The following ULK3 variants were observed in gnomAD, a reference collection of about 807,000 sequenced individuals.
The protein encoded by ULK3 is unc-51 like kinase 3, also known as serine/threonine-protein kinase ULK3.
Under a neutral mutation model 69.4 loss-of-function variants are expected in ULK3, and 54 were observed. That is an observed-to-expected ratio of 0.78 (90% CI 0.63 to 0.98). ULK3 has a LOEUF of 0.98. Ranked by LOEUF, ULK3 falls within the 50% of genes least tolerant of loss-of-function variation. The probability of loss-of-function intolerance (pLI) is 0.00; values close to 1 mark genes in which losing one functional copy is unlikely to be tolerated. For synonymous variants in ULK3, 240 were observed against 254.5 expected (o/e 0.94, Z 0.54); for missense variants, 558 against 627.7 (o/e 0.89, Z 1.19).
chr15:74,840,140 T>C (rs72730515), intron 6 of ULK3, 94 bp downstream of exon 6: 24,872 of 1,423,332 alleles, frequency 0.017, 298 homozygotes, highest in Non-Finnish European at 0.02. Flanking sequence ...CTGGAGCCCA[T>C]ACTCCAGTCT....
In ULK3 at chr15:74,839,724, G is replaced by A; in HGVS notation, c.697-11C>T. The A allele has an allele frequency of 6.6e-7, 1 of 1,523,496 alleles. No individual in the cohort carries two copies. The allele number at this position is 1,523,496 out of a possible 1,614,324, so 94.4% of individuals were successfully genotyped here. The stretch of plus-strand genomic sequence containing the variant: ...GGGCCGCAAGGGGAGCTGCAGGGAA[G>A]GGAACGGCAGGGACAGATCACACTG... On this transcript the variant is annotated splice_polypyrimidine_tract_variant and intron_variant, in intron 6 of 15. Transcript: ENST00000440863.
At chr15:74,839,498 C>T (rs760364667) in intron 7 of ULK3, 60 bp downstream of exon 7, 147 of 1,540,172 alleles carry the variant, frequency 9.5e-5, no homozygotes, top group Non-Finnish European at 1.2e-4. Context: ...TCACCACCAA[C>T]GGGGGCAAGG....
At chr15:74,841,018 T>G (rs2064228097) in intron 4 of ULK3, among the ~76,000 whole-genome samples, 1 of 152,124 alleles carries the variant, frequency 6.6e-6, no homozygotes, top group Non-Finnish European at 1.5e-5. Context: ...CCCTCCTATG[T>G]GGCCACAGAT....
In ULK3 at chr15:74,839,666, C is replaced by T. The variant is rs1204186867; in HGVS notation, c.744G>A (p.Gln248=). ...LLSRDCRDLL[Q]RLLERDPSRR... ...GGCTGGGGTCCCGCTCCAGGAGCCG[C>T]TGCAGTAGGTCCCGGCAGTCTCGGG... is the stretch of plus-strand genomic sequence containing the variant. Residue 248 remains glutamine, a synonymous_variant, in exon 7 of 16, where the codon CAG becomes CAA. Transcript: ENST00000440863. 1 of 1,554,704 alleles carries T rather than the reference C, an allele frequency of 6.4e-7. No homozygotes were observed. Among genetic ancestry groups the T allele is most frequent in the East Asian group, 2.4e-5 (1 of 41,594 alleles).
At chr15:74,838,773 G>C (rs2064127961) in intron 9 of ULK3, 28 bp from the exon 10 acceptor site, 1 of 1,567,580 alleles carries the variant, frequency 6.4e-7, no homozygotes, top group African/African-American at 1.4e-5. Flanking sequence ...CCTGAGGAGG[G>C]GCTGTCTCAC....
At position 74,840,325 on chromosome 15, in the gene ULK3, G is replaced by T. The variant is rs760294544; in HGVS notation, c.614-9C>A. The T allele has an allele frequency of 5.0e-6, 8 of 1,606,308 alleles. No individual in the cohort carries two copies. The Admixed American group carries it at 1.2e-4, about 24-fold the overall frequency. ...CTGCCCGAAGAGGGCTTCTGTGGAA[G>T]GGAGGCAGAGCGGAGGCTGGGAGGG... On this transcript the variant is annotated splice_polypyrimidine_tract_variant and intron_variant, in intron 5 of 15. Transcript: ENST00000440863.
Position 74,843,078 on chromosome 15 carries a change from G to A in ULK3, c.28C>T (p.Arg10Cys). The A allele has an allele frequency of 7.1e-7, 1 of 1,414,472 alleles. No homozygotes were observed. Among genetic ancestry groups the A allele is most frequent in the Non-Finnish European group, 9.3e-7 (1 of 1,074,072 alleles). The allele number at this position is 1,414,472 out of a possible 1,614,324, so 87.6% of individuals were successfully genotyped here. ...TCGGTGAGGATGAAGCCGTCCAGGC[G>A]CGGGGGACCCCAGCCGGGCCCCGCC... MAGPGWGPP[R>C]LDGFILTERL... Residue 10 changes from arginine (R) to cysteine (C), a missense_variant, in exon 1 of 16, where the codon CGC becomes TGC. Coordinates refer to ENST00000440863, the MANE Select transcript of ULK3 (RefSeq NM_001099436.4).
Position 74,838,995 on chromosome 15 carries a change from G to A in ULK3, c.999+15C>T. 1 of 1,597,704 alleles carries A rather than the reference G, an allele frequency of 6.3e-7. No homozygotes were observed. Among genetic ancestry groups the A allele is most frequent in the Non-Finnish European group, 8.5e-7 (1 of 1,172,460 alleles). On this transcript the variant is annotated intron_variant, in intron 9 of 15. Transcript: ENST00000440863. ...CCCCCTGCCCCCCCACTTCCTCATG[G>A]GGACTCTCACCCACCTTTGCCTTAA...
intron 6 of ULK3, among the ~76,000 whole-genome samples, 179 bp from the exon 7 acceptor site, chr15:74,839,892 G>T (rs1014745043): frequency 4.2e-4 from 64 of 152,122 alleles, no homozygotes; most frequent in Non-Finnish European, 5.9e-5. Flanking sequence ...TCCATCCCTG[G>T]GCTCCCGGTG....
At chr15:74,841,007 C>A (rs2064227204) in intron 4 of ULK3, among the ~76,000 whole-genome samples, 1 of 152,152 alleles carries the variant, frequency 6.6e-6, no homozygotes, top group South Asian at 2.1e-4. Flanking sequence ...CCCCACCACA[C>A]CCCTCCTATG....
At chr15:74,838,229 C>G (rs1407598632) in intron 12 of ULK3, 37 bp from the exon 13 acceptor site, 12 of 1,566,942 alleles carry the variant, frequency 7.7e-6, no homozygotes, top group Non-Finnish European at 1.0e-5. Context: ...ACAGGGTGGC[C>G]AGAGGCCCTG....
In ULK3 at chr15:74,837,676, G is replaced by C. The variant is rs759037237; in HGVS notation, c.1335+75C>G. ...CGAGAGAGCAGACATACACCAGCAG[G>C]GGGGGACGACAGCCACAAGCAGAGA... is the stretch of plus-strand genomic sequence containing the variant. On this transcript the variant is annotated intron_variant, in intron 14 of 15. Transcript: ENST00000440863. The C allele has an allele frequency of 9.5e-5, 131 of 1,379,896 alleles. 1 individual carries two copies. Among genetic ancestry groups the C allele is most frequent in the Admixed American group, 2.5e-4 (10 of 40,160 alleles). 85.5% of individuals were successfully genotyped at this position (1,379,896 alleles called of 1,614,324 possible). A position where few individuals can be genotyped will look rare whatever the true frequency, so the allele number is the denominator to read the frequency against.
At chr15:74,840,830 C>T (rs954178648) in intron 4 of ULK3, 189 bp from the exon 5 acceptor site, 15 of 734,786 alleles carry the variant, frequency 2.0e-5, no homozygotes, top group Middle Eastern at 4.0e-4. Flanking sequence ...CCTACCCATC[C>T]TTCCCAGCTC....
At chr15:74,837,950 G>A (rs1347431475) in intron 13 of ULK3, 152 bp from the exon 14 acceptor site, 1 of 1,188,536 alleles carries the variant, frequency 8.4e-7, no homozygotes, top group Non-Finnish European at 1.2e-6. Flanking sequence ...CCTTCCTCCA[G>A]GAAGCCTTCC....
rs1262761932 is a variant in ULK3 at position 74,842,767 on chromosome 15, CACCAGGTA to C, written c.102+229_102+236del. 1.1e-5 allele frequency: 17 copies of C among 1,493,918 alleles called. No homozygotes were observed. The highest frequency in any genetic ancestry group is 1.5e-5 in the Non-Finnish European group (17 of 1,121,314). 92.5% of individuals were successfully genotyped at this position (1,493,918 alleles called of 1,614,324 possible). On this transcript the variant is annotated intron_variant, in intron 1 of 15. Coordinates refer to ENST00000440863, the MANE Select transcript of ULK3 (RefSeq NM_001099436.4). The surrounding 1 kb of genome is among the most constrained non-coding windows in gnomAD (Gnocchi z 4.9). ...CTCCAGTCCCAGACTCCTCCCAGCC[CACCAGGTA>C]ACCTGTTTTGAGCCTGTTCTTCAGC...
In ULK3 at chr15:74,839,719, GGGAAGGGAAC is replaced by G; in HGVS notation, c.697-16_697-7del. On this transcript the variant is annotated splice_region_variant and splice_polypyrimidine_tract_variant and intron_variant, in intron 6 of 15. Transcript: ENST00000440863. Reference sequence around the variant, plus strand: ...AGCAGGGGCCGCAAGGGGAGCTGCAGGGAAGGGAACGGCAGGGACAGATCACACTGGGCTC... The same window carrying G: ...AGCAGGGGCCGCAAGGGGAGCTGCAGGGCAGGGACAGATCACACTGGGCTC... The G allele has an allele frequency of 5.2e-6, 8 of 1,536,376 alleles. No individual in the cohort carries two copies. Among genetic ancestry groups the G allele is most frequent in the Non-Finnish European group, 7.0e-6 (8 of 1,145,314 alleles).
At chr15:74,838,223 G>C (rs763426388) in intron 12 of ULK3, 31 bp from the exon 13 acceptor site, 34 of 1,566,956 alleles carry the variant, frequency 2.2e-5, no homozygotes, top group Non-Finnish European at 2.9e-5. Flanking sequence ...GTGAGGACAG[G>C]GTGGCCAGAG....
chr15:74,839,570 A>C lies in ULK3; in HGVS notation c.840T>G (p.Ser280Arg), dbSNP rs2064167505. The change falls in exon 7 of 16, where the codon AGT becomes AGG. Residue 280 changes from serine to arginine, a missense_variant. Ser to Arg is a moderately radical substitution (Grantham distance 110). Coordinates refer to ENST00000440863, the MANE Select transcript of ULK3 (RefSeq NM_001099436.4). ...VDLEHMPSGE[S>R]LGRATALVVQ... Reference sequence around the variant, plus strand: ...GCCGTCTGCTCACTGCTCGCCCCAGACTCTCCCCACTGGGCATGTGCTCCA... The same window carrying C: ...GCCGTCTGCTCACTGCTCGCCCCAGCCTCTCCCCACTGGGCATGTGCTCCA... 2 of 1,559,704 alleles carry C rather than the reference A, an allele frequency of 1.3e-6. No individual in the cohort carries two copies. Among genetic ancestry groups the C allele is most frequent in the African/African-American group, 1.4e-5 (1 of 73,078 alleles).
chr15:74,840,175 C>T (rs1436505979), intron 6 of ULK3, 59 bp downstream of exon 6: 8 of 1,545,820 alleles, frequency 5.2e-6, no homozygotes, highest in Admixed American at 1.9e-5. Context: ...GAGGTCTAAA[C>T]CCTCAGGGCC....
Sources: gnomAD v4.1 joint callset for allele counts (sites outside exome capture counted in the v4.1 genomes callset) on GRCh38, gnomAD v4.1.1 for gene constraint, Gnocchi (gnomAD v3.1) non-coding constraint, MANE v1.5 for transcripts, NCBI Gene and HGNC (gene_info 2026-07-23, HGNC 2026-07-21) for gene names.